Variants in ZNF518A observed in about 807,000 individuals in gnomAD.
ZNF518A encodes the protein zinc finger protein 518.
A neutral mutation model predicts 102.7 loss-of-function variants in ZNF518A; 47 were observed. The observed-to-expected ratio is 0.46, with a 90% CI of 0.36 to 0.58. The LOEUF is 0.58. ZNF518A is among the 20% of genes least tolerant of loss of function. The pLI is 0.00. For missense variants in ZNF518A, 1,793 were observed against 1,699.8 expected (o/e 1.05, Z -0.96); for synonymous variants, 652 against 594.6 (o/e 1.10, Z -1.40).
In ZNF518A at chr10:96,160,931, T is replaced by C; in HGVS notation, c.*157T>C. ...TTTCTGTGGAAGAGTAAAAGTTGTA[T>C]GTATGATATTTGAAAATGCTATCCC... On this transcript the variant is annotated 3_prime_UTR_variant, in exon 6 of 6. Coordinates refer to ENST00000316045, the MANE Select transcript of ZNF518A (RefSeq NM_001330736.2). 2 of 775,394 alleles carry C rather than the reference T, an allele frequency of 2.6e-6. No individual in the cohort carries two copies. Among genetic ancestry groups the C allele is most frequent in the Non-Finnish European group, 3.7e-6 (2 of 537,824 alleles). 48.0% of individuals were successfully genotyped at this position (775,394 alleles called of 1,614,324 possible). A position where few individuals can be genotyped will look rare whatever the true frequency, so the allele number is the denominator to read the frequency against.
chr10:96,164,405 T>C (rs2083102685), downstream of ZNF518A, among the ~76,000 whole-genome samples: 1 of 152,200 alleles, frequency 6.6e-6, no homozygotes, highest in Non-Finnish European at 1.5e-5. Flanking sequence ...TAGCAAAACT[T>C]ACTGGGGGGA....
chr10:96,158,213 T>A lies in ZNF518A; in HGVS notation c.1891T>A (p.Ser631Thr). Residue 631 changes from serine (S) to threonine (T), a missense_variant, in exon 6 of 6, where the codon TCC (serine) becomes ACC (threonine). By Grantham distance (58) the Ser-to-Thr change is moderately conservative (BLOSUM62 1). Transcript: ENST00000316045. Reference protein sequence around the residue: ...NYGNCELPVESSNQGSLPFHN... With the variant: ...NYGNCELPVETSNQGSLPFHN... ...TGGCAACTGTGAGTTACCTGTTGAA[T>A]CCTCCAACCAAGGATCATTACCTTT... 1 of 1,613,688 alleles carries A rather than the reference T, an allele frequency of 6.2e-7. No homozygotes were observed. The highest frequency in any genetic ancestry group is 8.5e-7 in the Non-Finnish European group (1 of 1,179,732).
intron 3 of ZNF518A, among the ~76,000 whole-genome samples, chr10:96,150,691 ATTTTTTTTTAAGTTTTCTT>A (rs2082398048): frequency 1.3e-5 from 1 of 76,130 alleles, no homozygotes; most frequent in South Asian, 3.8e-4. Context: ...TTATTACTTG[ATTTTTTTTTAAGTTTTCTT>A]TTTTTTTTTA....
Position 96,130,332 on chromosome 10 carries a change from T to C in ZNF518A, c.-873T>C, listed in dbSNP as rs2081259929. Among the ~76,000 whole-genome samples, 1 of 152,188 alleles carries C rather than the reference T, an allele frequency of 6.6e-6. No individual in the cohort carries two copies. Among genetic ancestry groups the C allele is most frequent in the Non-Finnish European group, 1.5e-5 (1 of 68,032 alleles). Reference sequence around the variant, plus strand: ...AAAGTTTTTCTGGAGAAGTCGGGGTTTTTTTGCCGAGCGCTTTTGCCGACT... The same window carrying C: ...AAAGTTTTTCTGGAGAAGTCGGGGTCTTTTTGCCGAGCGCTTTTGCCGACT... On this transcript the variant is annotated 5_prime_UTR_variant, in exon 1 of 6. Coordinates refer to ENST00000316045, the MANE Select transcript of ZNF518A (RefSeq NM_001330736.2).
At chr10:96,153,115 G>A (rs2082530315) in intron 3 of ZNF518A, among the ~76,000 whole-genome samples, 1 of 152,244 alleles carries the variant, frequency 6.6e-6, no homozygotes, top group African/African-American at 2.4e-5. Context: ...AAGCAGGGCT[G>A]CTGGGCTAAG....
intron 1 of ZNF518A, among the ~76,000 whole-genome samples, chr10:96,190,751 A>T (rs1284196108): frequency 6.6e-6 from 1 of 152,212 alleles, no homozygotes; most frequent in Non-Finnish European, 1.5e-5. Flanking sequence ...TCTGAAGTAC[A>T]CAGTAGAAAT....
intron 1 of ZNF518A, among the ~76,000 whole-genome samples, chr10:96,180,178 CTCTTTT>C (rs1415981254): frequency 9.1e-5 from 8 of 87,546 alleles, no homozygotes; most frequent in Non-Finnish European, 1.7e-4. Flanking sequence ...CAGCTCCAGC[CTCTTTT>C]TTTTTTTTTT....
Position 96,158,682 on chromosome 10 carries a change from T to C in ZNF518A, c.2360T>C (p.Leu787Pro). The C allele has an allele frequency of 6.2e-7, 1 of 1,613,328 alleles. No individual in the cohort carries two copies. The highest frequency in any genetic ancestry group is 8.5e-7 in the Non-Finnish European group (1 of 1,179,574). Residue 787 changes from leucine (L) to proline (P), a missense_variant, in exon 6 of 6, where the codon CTT becomes CCT. Leu to Pro is a moderately conservative substitution (Grantham distance 98, BLOSUM62 -3). Around this residue, in one of 3 missense-constraint regions of ZNF518A, gnomAD observed 1,741 missense variants for 1,622.6 expected, o/e 1.07. Coordinates refer to ENST00000316045, the MANE Select transcript of ZNF518A (RefSeq NM_001330736.2). ...CTGCCACCTGAAGTAAACCAATTGC[T>C]TCAGGATGTATTGAAAATAAAACCT... The part of the protein sequence containing the change: ...EFLPPEVNQL[L>P]QDVLKIKPDV...
At chr10:96,192,113 T>C in intron 1 of ZNF518A, 1 of 1,613,112 alleles carries the variant, frequency 6.2e-7, no homozygotes, top group Non-Finnish European at 8.5e-7. Flanking sequence ...AAAACATAGA[T>C]GAATTATACT....
chr10:96,131,301 G>A lies in ZNF518A; in HGVS notation c.-453+549G>A, dbSNP rs146794973. 5.1e-4 allele frequency among the ~76,000 whole-genome samples: 77 copies of A among 152,198 alleles called. 2 individuals carry two copies. In the South Asian group the frequency reaches 0.01, roughly 20 times the overall value. On this transcript the variant is annotated intron_variant, in intron 1 of 5. Transcript: ENST00000316045. ...CTGCAGCAAGGGGTCTGATTTGAGT[G>A]TACTCTAAGGTTGATATCCTCAGGT...
chr10:96,144,605 A>G (rs2082086281), intron 3 of ZNF518A, among the ~76,000 whole-genome samples: 1 of 152,200 alleles, frequency 6.6e-6, no homozygotes, highest in Non-Finnish European at 1.5e-5. Context: ...AAGAACTTGC[A>G]AAGGTTGTAA....
At chr10:96,130,134 G>A (rs1367559821), upstream of ZNF518A, 1 of 152,724 alleles carries the variant, frequency 6.5e-6, no homozygotes, top group African/African-American at 2.4e-5. Context: ...CCCCGTCAGC[G>A]GGACTGCCCA....
At chr10:96,191,004 C>T (rs773153993) in intron 1 of ZNF518A, among the ~76,000 whole-genome samples, 46 of 152,154 alleles carry the variant, frequency 3.0e-4, no homozygotes, top group Admixed American at 1.1e-3. Flanking sequence ...ATAATCCCCA[C>T]GTGCCATGGG....
At chr10:96,191,011 T>C (rs587736215) in intron 1 of ZNF518A, among the ~76,000 whole-genome samples, 2 of 152,298 alleles carry the variant, frequency 1.3e-5, no homozygotes, top group Non-Finnish European at 2.9e-5. Context: ...CCACGTGCCA[T>C]GGGAGGGACC....
chr10:96,196,868 T>C (rs200470518), intron 1 of ZNF518A: 14 of 1,592,822 alleles, frequency 8.8e-6, no homozygotes, highest in Non-Finnish European at 1.2e-5. Context: ...TTATACTCAA[T>C]GCATAGTTAT....
In ZNF518A at chr10:96,187,505, A is replaced by G. The variant is rs112149101; in HGVS notation, n.36-16069A>G. Among the ~76,000 whole-genome samples the G allele has an allele frequency of 5.4e-3, 818 of 152,330 alleles. 7 individuals carry two copies. The highest frequency in any genetic ancestry group is 0.019 in the African/African-American group (781 of 41,568). On this transcript the variant is annotated intron_variant and non_coding_transcript_variant, in intron 1 of 2. Transcript: ENST00000442635. ...GCAAGACTATCCCAGCTACTACAGT[A>G]AGAGTAGTTTAGCTCCCAGAGTGCA...
At chr10:96,204,840 A>G, downstream of ZNF518A, 1 of 505,490 alleles carries the variant, frequency 2.0e-6, no homozygotes. Flanking sequence ...ACATCCTACC[A>G]CCTCTGCATT....
chr10:96,132,450 T>C (rs1203351408), intron 1 of ZNF518A, 136 bp from the exon 2 acceptor site: 1 of 151,790 alleles, frequency 6.6e-6, no homozygotes, highest in Non-Finnish European at 1.5e-5. Flanking sequence ...CAATGATGTA[T>C]GCTTAAGTGT....
rs2082933525 is a variant in ZNF518A at position 96,160,139 on chromosome 10, A to G, written c.3817A>G (p.Arg1273Gly). The G allele has an allele frequency of 3.1e-6, 5 of 1,610,056 alleles. No individual in the cohort carries two copies. The highest frequency in any genetic ancestry group is 1.1e-5 in the South Asian group (1 of 90,222). Residue 1273 changes from arginine to glycine, a missense_variant, in exon 6 of 6, where the codon AGA becomes GGA. By Grantham distance (125) the Arg-to-Gly change is moderately radical. This residue lies in a region of ZNF518A where 1,741 missense variants were observed against 1,622.6 expected (regional missense o/e 1.07). Coordinates refer to ENST00000316045, the MANE Select transcript of ZNF518A (RefSeq NM_001330736.2). ...SKDSETAFVSRNRNCKRKCRD... is the reference protein window; with the variant it reads ...SKDSETAFVSGNRNCKRKCRD... ...AGACTCTGAAACTGCCTTTGTATCT[A>G]GAAACAGAAACTGTAAACGAAAGTG...
Sources: allele counts gnomAD v4.1 joint callset (sites outside exome capture counted in the v4.1 genomes callset), GRCh38; gene constraint gnomAD v4.1.1; regional missense constraint gnomAD v4.1.1; transcripts MANE v1.5; gene names NCBI Gene and HGNC (gene_info 2026-07-23, HGNC 2026-07-21).